Variants in RIMS2 observed in about 807,000 individuals in gnomAD.
RIMS2 encodes the protein regulating synaptic membrane exocytosis 2.
In RIMS2, 59 loss-of-function variants were observed where a neutral mutation model predicts 174.4. The ratio of observed to expected loss-of-function variants is 0.34; its 90% CI spans 0.27 to 0.42. RIMS2 has a LOEUF of 0.42. Ranked by LOEUF, RIMS2 falls within the 10% of genes least tolerant of loss-of-function variation. The pLI is 1.00. For missense variants in RIMS2, 1,620 were observed against 1,666.3 expected (o/e 0.97, Z 0.48); for synonymous variants, 606 against 572.5 (o/e 1.06, Z -0.84).
At chr8:104,022,779 G>A (rs933314539) in intron 19 of RIMS2, among the ~76,000 whole-genome samples, 4 of 152,088 alleles carry the variant, frequency 2.6e-5, no homozygotes, top group Non-Finnish European at 1.5e-5. Context: ...TTATAAATTT[G>A]TTTTTATACA....
At chr8:103,975,043 T>G (rs2093296769) in intron 15 of RIMS2, among the ~76,000 whole-genome samples, 1 of 152,224 alleles carries the variant, frequency 6.6e-6, no homozygotes, top group Non-Finnish European at 1.5e-5. Context: ...TTAGAATAAA[T>G]TTGAGTCTTC....
intron 13 of RIMS2, among the ~76,000 whole-genome samples, chr8:103,937,465 T>C (rs1420261466): frequency 6.6e-6 from 1 of 152,244 alleles, no homozygotes; most frequent in Non-Finnish European, 1.5e-5. Context: ...TGCTATAGAC[T>C]GAGCGTTCAA....
At chr8:103,598,052 A>G (rs893957812) in intron 1 of RIMS2, among the ~76,000 whole-genome samples, 2 of 152,190 alleles carry the variant, frequency 1.3e-5, no homozygotes, top group African/African-American at 4.8e-5. Context: ...TGTAAGATAT[A>G]CTTTTTAGCC....
At chr8:103,859,919 G>C (rs76187058) in intron 3 of RIMS2, among the ~76,000 whole-genome samples, 3,926 of 152,080 alleles carry the variant, frequency 0.026, 100 homozygotes, top group African/African-American at 0.064. Flanking sequence ...TAGGAACTCA[G>C]TGGACAGACT....
intron 1 of RIMS2, among the ~76,000 whole-genome samples, chr8:103,509,692 G>T (rs1300395153): frequency 6.6e-6 from 1 of 151,994 alleles, no homozygotes; most frequent in Non-Finnish European, 1.5e-5. Flanking sequence ...TTGAGGTAGA[G>T]TTATGGAAAG....
rs557239828 is a variant in RIMS2, at chr8:104,059,162, T to A, written c.3334+44547T>A. ...TGAATCTATAAATTACCTTGGGCAG[T>A]ATGGCCATTTTCATGATATTGATTC... On this transcript the variant is annotated intron_variant, in intron 19 of 23. Transcript: ENST00000504942. Among the ~76,000 whole-genome samples the A allele has an allele frequency of 4.4e-4, 66 of 151,696 alleles. 1 individual carries two copies. The highest frequency in any genetic ancestry group is 1.5e-3 in the African/African-American group (62 of 41,270).
chr8:103,739,651 A>T (rs143897440), intron 2 of RIMS2, among the ~76,000 whole-genome samples: 17 of 152,338 alleles, frequency 1.1e-4, no homozygotes, highest in African/African-American at 3.4e-4. Flanking sequence ...TTTACTTTAC[A>T]TTAGCTTTCT....
chr8:103,591,259 G>T, intron 1 of RIMS2, among the ~76,000 whole-genome samples: 1 of 150,228 alleles, frequency 6.7e-6, no homozygotes, highest in African/African-American at 2.4e-5. Flanking sequence ...TTGGGTTGTT[G>T]GATTTTTTTA....
intron 1 of RIMS2, among the ~76,000 whole-genome samples, chr8:103,683,039 A>G (rs1384346662): frequency 1.3e-5 from 2 of 152,186 alleles, no homozygotes; most frequent in Non-Finnish European, 2.9e-5. Context: ...CTTGAGGCAT[A>G]GTCATTATAG....
At chr8:103,837,813 A>G (rs966084141) in intron 3 of RIMS2, among the ~76,000 whole-genome samples, 14 of 152,138 alleles carry the variant, frequency 9.2e-5, no homozygotes, top group African/African-American at 2.4e-4. Flanking sequence ...ATAGTGCCTC[A>G]ATAAACATAC....
At chr8:103,815,096 T>A (rs950195519) in intron 3 of RIMS2, among the ~76,000 whole-genome samples, 54 of 152,216 alleles carry the variant, frequency 3.5e-4, no homozygotes, top group African/African-American at 1.3e-3. Flanking sequence ...ATGGAAAAAA[T>A]TTGTCATGTT....
chr8:103,803,801 T>C (rs1433670823), intron 3 of RIMS2, among the ~76,000 whole-genome samples: 1 of 152,190 alleles, frequency 6.6e-6, no homozygotes, highest in East Asian at 1.9e-4. Flanking sequence ...GTGGGGTCTC[T>C]AGAAGCTGAG....
intron 3 of RIMS2, among the ~76,000 whole-genome samples, chr8:103,884,921 G>A (rs998683202): frequency 3.9e-5 from 6 of 151,928 alleles, no homozygotes; most frequent in South Asian, 4.2e-4. Context: ...AGCATGTTAG[G>A]TATAGAGAAG....
intron 4 of RIMS2, chr8:103,910,074 CTCTG>C (rs2075353304): frequency 2.0e-6 from 2 of 1,003,372 alleles, no homozygotes; most frequent in East Asian, 2.4e-5. Flanking sequence ...TTTATAATGT[CTCTG>C]TCTGTCCCTT....
At chr8:103,548,036 A>G (rs983782099) in intron 1 of RIMS2, among the ~76,000 whole-genome samples, 4 of 152,198 alleles carry the variant, frequency 2.6e-5, no homozygotes, top group Non-Finnish European at 5.9e-5. Context: ...ATCAATTAAA[A>G]AAAGCCCAGG....
intron 14 of RIMS2, among the ~76,000 whole-genome samples, chr8:103,944,415 T>G (rs2083240704): frequency 6.6e-6 from 1 of 152,104 alleles, no homozygotes; most frequent in African/African-American, 2.4e-5. Flanking sequence ...ATATATTTTA[T>G]GTACTAATTC....
At chr8:103,867,373 T>G (rs1302673751) in intron 3 of RIMS2, among the ~76,000 whole-genome samples, 2 of 151,762 alleles carry the variant, frequency 1.3e-5, no homozygotes, top group East Asian at 3.9e-4. Context: ...GTATTCTCAT[T>G]ATGATACAAA....
chr8:104,068,914 GT>G (rs1156393679), intron 19 of RIMS2, among the ~76,000 whole-genome samples: 1 of 151,950 alleles, frequency 6.6e-6, no homozygotes, highest in African/African-American at 2.4e-5. Flanking sequence ...TGATCTTATG[GT>G]TTTCTTTCAT....
chr8:103,946,254 G>T (rs1265041352), intron 14 of RIMS2, among the ~76,000 whole-genome samples: 1 of 152,166 alleles, frequency 6.6e-6, no homozygotes, highest in African/African-American at 2.4e-5. Flanking sequence ...CACTTTGGGA[G>T]GCTGAGGCAG....
Sources: allele counts gnomAD v4.1 joint callset (sites outside exome capture counted in the v4.1 genomes callset), GRCh38; gene constraint gnomAD v4.1.1; transcripts MANE v1.5; gene names NCBI Gene and HGNC (gene_info 2026-07-23, HGNC 2026-07-21).